Variants in MLXIP observed in about 807,000 individuals in gnomAD.
MLXIP encodes the protein MLX interacting protein.
In MLXIP, 30 loss-of-function variants were observed where a neutral mutation model predicts 87.2. The ratio of observed to expected loss-of-function variants is 0.34; its 90% CI spans 0.26 to 0.47. The LOEUF (loss-of-function observed/expected upper bound fraction) is 0.47. Among genes scored for constraint, MLXIP ranks in the 20% least tolerant of loss-of-function variants. The probability of loss-of-function intolerance (pLI) is 1.00; values close to 1 mark genes in which losing one functional copy is unlikely to be tolerated. For synonymous variants in MLXIP, 530 were observed against 514.0 expected, an observed-to-expected ratio of 1.03 and a Z score of -0.42; for missense variants, 1,002 against 1,240.1, an observed-to-expected ratio of 0.81 and a Z score of 2.88.
rs1051446865 is a variant in MLXIP, at chr12:122,147,045, G to C, written c.*5233G>C. The C allele has an allele frequency of 3.3e-5, 5 of 152,254 alleles. No homozygotes were observed. The highest frequency in any genetic ancestry group is 1.2e-4 in the African/African-American group (5 of 41,452). 9.4% of individuals were successfully genotyped at this position (152,254 alleles called of 1,614,324 possible). A position where few individuals can be genotyped will look rare whatever the true frequency, so the allele number is the denominator to read the frequency against. On this transcript the variant is annotated 3_prime_UTR_variant, in exon 17 of 17. Coordinates refer to ENST00000319080, the MANE Select transcript of MLXIP (RefSeq NM_014938.6). Reference sequence around the variant, plus strand: ...ATTTTGTTCACGGCGGAAGCACCATGTTCCGTTCCTTTTTCAGGTTCAGTT... The same window carrying C: ...ATTTTGTTCACGGCGGAAGCACCATCTTCCGTTCCTTTTTCAGGTTCAGTT...
intron 1 of MLXIP, among the ~76,000 whole-genome samples, chr12:122,121,542 T>C (rs947823917): frequency 2.6e-5 from 4 of 152,102 alleles, no homozygotes; most frequent in Non-Finnish European, 5.9e-5. Flanking sequence ...AGTGCTGAGA[T>C]TACAGGTGTG....
At chr12:122,125,599 G>A (rs965746200) in intron 1 of MLXIP, among the ~76,000 whole-genome samples, 5 of 152,204 alleles carry the variant, frequency 3.3e-5, no homozygotes, top group African/African-American at 1.2e-4. Context: ...GTCTGATTCC[G>A]TAGCTGCCTG....
rs1565965594 is a variant in MLXIP at position 122,103,217 on chromosome 12, ATTTATTTATTTATT to A, written c.413+23953_413+23966del. ...TATGTATGTATTTATTTATTTATTT[ATTTATTTATTTATT>A]TATTTATTTTTGAGGCAGAGTTTCA... On this transcript the variant is annotated intron_variant, in intron 1 of 16. Coordinates refer to ENST00000319080, the MANE Select transcript of MLXIP (RefSeq NM_014938.6). 4.9e-3 allele frequency among the ~76,000 whole-genome samples: 726 copies of A among 148,564 alleles called. 7 individuals carry two copies. Among genetic ancestry groups the A allele is most frequent in the Middle Eastern group, 0.02 (6 of 294 alleles).
At chr12:122,141,612 G>C in intron 16 of MLXIP, 79 bp from the exon 17 acceptor site, 1 of 1,567,962 alleles carries the variant, frequency 6.4e-7, no homozygotes, top group Non-Finnish European at 8.7e-7. Flanking sequence ...TTCCCACATG[G>C]GTTGTAGGTA....
At chr12:122,123,444 GTC>G (rs1444112149) in intron 1 of MLXIP, among the ~76,000 whole-genome samples, 1 of 152,202 alleles carries the variant, frequency 6.6e-6, no homozygotes, top group Non-Finnish European at 1.5e-5. Flanking sequence ...GGGAGTTCTG[GTC>G]TCTGTGTTGC....
In MLXIP at chr12:122,141,987, G is replaced by C. The variant is rs1953215051; in HGVS notation, c.*175G>C. ...CAGGTCTGAAGCAGGTTTGGGGCCT[G>C]CTGACAGCAATAGCCCGCCTTTGGG... On this transcript the variant is annotated 3_prime_UTR_variant, in exon 17 of 17. Transcript: ENST00000319080. 2 of 964,182 alleles carry C rather than the reference G, an allele frequency of 2.1e-6. No individual in the cohort carries two copies. Among genetic ancestry groups the C allele is most frequent in the Non-Finnish European group, 1.5e-6 (1 of 657,862 alleles). 59.7% of individuals were successfully genotyped at this position (964,182 alleles called of 1,614,324 possible).
intron 1 of MLXIP, among the ~76,000 whole-genome samples, chr12:122,107,864 A>G (rs1191259035): frequency 2.6e-5 from 4 of 152,070 alleles, no homozygotes; most frequent in African/African-American, 9.7e-5. Context: ...CAGGGTGGTG[A>G]TAAAAGCATC....
chr12:122,129,520 A>G (rs1952936955), intron 4 of MLXIP, 68 bp from the exon 5 acceptor site: 1 of 1,571,836 alleles, frequency 6.4e-7, no homozygotes, highest in Non-Finnish European at 8.7e-7. Context: ...AGAGTTCTGT[A>G]TATTCTAGAG....
In MLXIP at chr12:122,110,992, G is replaced by T. The variant is rs566717420; in HGVS notation, c.414-16264G>T. On this transcript the variant is annotated intron_variant, in intron 1 of 16. Transcript: ENST00000319080. Reference sequence around the variant, plus strand: ...CTCAGGAGGCTGAGGCAGGAGAATGGCGTGAACCCAGGAGGCGGAGCTTGC... The same window carrying T: ...CTCAGGAGGCTGAGGCAGGAGAATGTCGTGAACCCAGGAGGCGGAGCTTGC... Among the ~76,000 whole-genome samples, 17 of 150,738 alleles carry T rather than the reference G, an allele frequency of 1.1e-4. 1 individual carries two copies. In the South Asian group the frequency reaches 3.4e-3, roughly 30 times the overall value.
At chr12:122,118,624 G>A (rs1952729078) in intron 1 of MLXIP, among the ~76,000 whole-genome samples, 1 of 152,162 alleles carries the variant, frequency 6.6e-6, no homozygotes. Context: ...AAGGTGGGTG[G>A]ATTGCTTGAG....
At position 122,134,277 on chromosome 12, in the gene MLXIP, C is replaced by T. The variant is rs142597708; in HGVS notation, c.1732+290C>T. Reference sequence around the variant, plus strand: ...TGGCATAATCTCGGCTCACTGCAACCGCCCCCTCCCGGGTTCAAGCGATTC... The same window carrying T: ...TGGCATAATCTCGGCTCACTGCAACTGCCCCCTCCCGGGTTCAAGCGATTC... On this transcript the variant is annotated intron_variant, in intron 9 of 16. Coordinates refer to ENST00000319080, the MANE Select transcript of MLXIP (RefSeq NM_014938.6). 3.2e-4 allele frequency: 128 copies of T among 403,442 alleles called. No homozygotes were observed. In the East Asian group the frequency reaches 5.0e-3, roughly 16 times the overall value. 25.0% of individuals were successfully genotyped at this position (403,442 alleles called of 1,614,324 possible).
Position 122,133,723 on chromosome 12 carries a change from G to A in MLXIP, c.1468G>A (p.Ala490Thr), listed in dbSNP as rs372749315. 9 of 1,613,478 alleles carry A rather than the reference G, an allele frequency of 5.6e-6. No homozygotes were observed. The highest frequency in any genetic ancestry group is 5.3e-5 in the African/African-American group (4 of 74,900). Residue 490 changes from alanine to threonine, a missense_variant, in exon 9 of 17, where the codon GCC becomes ACC. Coordinates refer to ENST00000319080, the MANE Select transcript of MLXIP (RefSeq NM_014938.6). This position sits in a 1 kb window ranked among gnomAD's most constrained non-coding sequence, Gnocchi z 4.9. ...APSVITHTAS[A>T]TLTHDAPATT... Reference sequence around the variant, plus strand: ...GTCTGTCATCACCCACACGGCCTCTGCCACCCTCACCCACGATGCCCCCGC... The same window carrying A: ...GTCTGTCATCACCCACACGGCCTCTACCACCCTCACCCACGATGCCCCCGC...
intron 1 of MLXIP, among the ~76,000 whole-genome samples, chr12:122,103,369 C>T (rs1173350347): frequency 4.6e-5 from 7 of 151,100 alleles, no homozygotes; most frequent in South Asian, 2.1e-4. Context: ...GGATTAGAGG[C>T]GCCCGCCACC....
intron 1 of MLXIP, among the ~76,000 whole-genome samples, chr12:122,123,666 C>T (rs1223282323): frequency 6.6e-6 from 1 of 152,084 alleles, no homozygotes; most frequent in Non-Finnish European, 1.5e-5. Context: ...TCTGCTGTAC[C>T]CCCTGCCTTC....
chr12:122,087,566 G>A (rs969681534), intron 1 of MLXIP, among the ~76,000 whole-genome samples: 5 of 152,208 alleles, frequency 3.3e-5, no homozygotes, highest in African/African-American at 1.2e-4. Flanking sequence ...TTGGCGCATT[G>A]CAAGGTTAGA....
rs906831915 is a variant in MLXIP at position 122,145,657 on chromosome 12, G to C, written c.*3845G>C. 1 of 152,490 alleles carries C rather than the reference G, an allele frequency of 6.6e-6. No individual in the cohort carries two copies. The highest frequency in any genetic ancestry group is 1.5e-5 in the Non-Finnish European group (1 of 68,298). The allele number at this position is 152,490 out of a possible 1,614,324, so 9.4% of individuals were successfully genotyped here. ...CCCCCGGGTGAACCTGAGGTGGCAG[G>C]TTCAGGTTTTCAAGATGGTGAGGTC... On this transcript the variant is annotated 3_prime_UTR_variant, in exon 17 of 17. Coordinates refer to ENST00000319080, the MANE Select transcript of MLXIP (RefSeq NM_014938.6).
rs1027252299 is a variant in MLXIP, at chr12:122,080,331, G to T, written c.413+1065G>T. 9.9e-5 allele frequency among the ~76,000 whole-genome samples: 15 copies of T among 152,222 alleles called. No individual in the cohort carries two copies. The South Asian group carries it at 1.7e-3, about 17-fold the overall frequency. On this transcript the variant is annotated intron_variant, in intron 1 of 16. Coordinates refer to ENST00000319080, the MANE Select transcript of MLXIP (RefSeq NM_014938.6). The stretch of plus-strand genomic sequence containing the variant: ...CTTAGGTCTGCTCTGGAGGCATCGC[G>T]GGAGAAGTTTCCTAGGAGACTCCAT...
rs934066985 is a variant in MLXIP at position 122,095,955 on chromosome 12, C to G, written c.413+16689C>G. ...TCTCAGCTCACTGCAACCTCCGCCT[C>G]CCTGGTTCAAGTGATTCTTCTCCCT... is the stretch of plus-strand genomic sequence containing the variant. On this transcript the variant is annotated intron_variant, in intron 1 of 16. Transcript: ENST00000319080. Among the ~76,000 whole-genome samples the G allele has an allele frequency of 2.9e-4, 44 of 152,170 alleles. 1 individual carries two copies. Among genetic ancestry groups the G allele is most frequent in the Non-Finnish European group, 5.4e-4 (37 of 68,012 alleles).
intron 1 of MLXIP, among the ~76,000 whole-genome samples, chr12:122,084,337 C>A (rs1181203793): frequency 6.6e-6 from 1 of 152,154 alleles, no homozygotes; most frequent in Non-Finnish European, 1.5e-5. Flanking sequence ...GGTGTGGGAC[C>A]AAACTTCCAT....
Sources: gnomAD v4.1 joint callset for allele counts (sites outside exome capture counted in the v4.1 genomes callset) on GRCh38, gnomAD v4.1.1 for gene constraint, Gnocchi (gnomAD v3.1) non-coding constraint, MANE v1.5 for transcripts, NCBI Gene and HGNC (gene_info 2026-07-23, HGNC 2026-07-21) for gene names.